The following CPLANE1 variants were observed in gnomAD, a reference collection of about 807,000 sequenced individuals.
CPLANE1 encodes the protein ciliogenesis and planar polarity effector 1.
A neutral mutation model predicts 362.5 loss-of-function variants in CPLANE1; 263 were observed. The observed-to-expected ratio is 0.73, with a 90% CI of 0.66 to 0.80. The LOEUF (loss-of-function observed/expected upper bound fraction) is 0.80. Among genes scored for constraint, CPLANE1 ranks in the 30% least tolerant of loss-of-function variants. The pLI, the probability that CPLANE1 is intolerant of heterozygous loss-of-function variation, is 0.00. For synonymous variants in CPLANE1, 1,212 were observed against 1,302.6 expected, an observed-to-expected ratio of 0.93 and a Z score of 1.50; for missense variants, 3,461 against 3,793.4, an observed-to-expected ratio of 0.91 and a Z score of 2.30.
At chr5:37,094,024 G>T in the CPLANE1 span, among the ~76,000 whole-genome samples, 5 of 145,420 alleles carry the variant, frequency 3.4e-5, no homozygotes, top group Non-Finnish European at 7.5e-5. Flanking sequence ...CGCTGGCAGT[G>T]GGGGGCAGGA....
At chr5:37,123,601 C>T (rs1192985228) in intron 47 of CPLANE1, among the ~76,000 whole-genome samples, 1 of 152,190 alleles carries the variant, frequency 6.6e-6, no homozygotes, top group African/African-American at 2.4e-5. Context: ...AGTGCAGGGG[C>T]ATGATCTTCT....
At chr5:37,193,242 G>C (rs1468841358) in intron 21 of CPLANE1, among the ~76,000 whole-genome samples, 1 of 152,148 alleles carries the variant, frequency 6.6e-6, no homozygotes, top group East Asian at 1.9e-4. Flanking sequence ...TTGTACTTAT[G>C]ATGTACTCAG....
chr5:37,151,153 G>A lies in CPLANE1; in HGVS notation c.8373+2587C>T, dbSNP rs1352322497. Among the ~76,000 whole-genome samples the A allele has an allele frequency of 2.6e-5, 4 of 152,164 alleles. No homozygotes were observed. The East Asian group carries it at 7.7e-4, about 29-fold the overall frequency. ...TACCTCTACTGCCAGATGTCTTAAA[G>A]TCCAATCCCACTAACTTCTACCTCT... On this transcript the variant is annotated intron_variant, in intron 42 of 52. Transcript: ENST00000651892.
In CPLANE1 at chr5:37,226,644, T is replaced by C. The variant is rs2150436271; in HGVS notation, c.1951A>G (p.Ile651Val). ...TGCCCCACATCTTGTTTGTATCTTA[T>C]ATCCCAATAATGGATTGATAAACAC... ...HQCLSIHYWDIRYKQDVGHLI... is the reference protein window; with the variant it reads ...HQCLSIHYWDVRYKQDVGHLI... Residue 651 changes from isoleucine to valine, a missense_variant, in exon 12 of 53, where the codon ATA becomes GTA. Physicochemically the swap from Ile to Val is conservative, Grantham distance 29. Coordinates refer to ENST00000651892, the MANE Select transcript of CPLANE1 (RefSeq NM_001384732.1). The C allele has an allele frequency of 6.4e-7, 1 of 1,551,422 alleles. No individual in the cohort carries two copies. The highest frequency in any genetic ancestry group is 1.2e-5 in the South Asian group (1 of 84,038).
chr5:37,090,187 ACAAGCCGTCTCTCAGGGG>A, the CPLANE1 span, among the ~76,000 whole-genome samples: 1 of 152,210 alleles, frequency 6.6e-6, no homozygotes, highest in Non-Finnish European at 1.5e-5. Flanking sequence ...AGGAAATAGA[ACAAGCCGTCTCTCAGGGG>A]CAGCTAGATC....
At chr5:37,180,827 T>C (rs1782485816) in intron 27 of CPLANE1, 30 bp downstream of exon 27, 1 of 1,604,772 alleles carries the variant, frequency 6.2e-7, no homozygotes, top group East Asian at 2.2e-5. Flanking sequence ...ATGTCTTATA[T>C]TGAAAAGAAG....
chr5:37,106,860 T>G lies in CPLANE1; in HGVS notation c.*742A>C. On this transcript the variant is annotated 3_prime_UTR_variant, in exon 53 of 53. Transcript: ENST00000651892. Reference sequence around the variant, plus strand: ...GGTTCTTAGTCAATTCTCATAAAAATTATCTCTTAAAACTATGACATTATT... The same window carrying G: ...GGTTCTTAGTCAATTCTCATAAAAAGTATCTCTTAAAACTATGACATTATT... The G allele has an allele frequency of 1.0e-6, 1 of 984,690 alleles. No homozygotes were observed. The highest frequency in any genetic ancestry group is 1.2e-6 in the Non-Finnish European group (1 of 829,232). 61.0% of individuals were successfully genotyped at this position (984,690 alleles called of 1,614,324 possible).
chr5:37,227,607 C>G lies in CPLANE1; in HGVS notation c.1332G>C (p.Gln444His). ...HMRSLLLDSTQRLEKIYQSVI... is the reference protein window; with the variant it reads ...HMRSLLLDSTHRLEKIYQSVI... ...CACTTTGATATATTTTCTCAAGCCTCTGGGTTGAATCAAGTAGAAGTGATC... is the reference window on the plus strand; with the variant it reads ...CACTTTGATATATTTTCTCAAGCCTGTGGGTTGAATCAAGTAGAAGTGATC... Residue 444 changes from glutamine (Q) to histidine (H), a missense_variant, in exon 10 of 53, where the codon CAG becomes CAC. Gln to His is a conservative substitution (Grantham distance 24). This residue lies in a region of CPLANE1 where 3,380 missense variants were observed against 3,666.1 expected (regional missense o/e 0.92). Transcript: ENST00000651892. 1 of 1,551,340 alleles carries G rather than the reference C, an allele frequency of 6.4e-7. No homozygotes were observed. The highest frequency in any genetic ancestry group is 2.0e-5 in the Admixed American group (1 of 50,970).
intron 7 of CPLANE1, 34 bp from the exon 8 acceptor site, chr5:37,238,994 A>C: frequency 1.8e-6 from 2 of 1,082,252 alleles, no homozygotes; most frequent in Middle Eastern, 2.4e-4. Context: ...AAAACTATTA[A>C]AATTATTTTA....
chr5:37,187,104 G>A (rs918109329), intron 23 of CPLANE1, among the ~76,000 whole-genome samples: 1 of 130,796 alleles, frequency 7.6e-6, no homozygotes, highest in East Asian at 2.2e-4. Context: ...TCACTATATT[G>A]TACATTGGAT....
At chr5:37,203,049 T>C (rs1030226638) in intron 18 of CPLANE1, among the ~76,000 whole-genome samples, 1 of 152,062 alleles carries the variant, frequency 6.6e-6, no homozygotes, top group Non-Finnish European at 1.5e-5. Context: ...TCTATTGAAG[T>C]TTTTGTTTTT....
chr5:37,104,379 C>A (rs1053603840), downstream of CPLANE1, among the ~76,000 whole-genome samples: 2 of 151,984 alleles, frequency 1.3e-5, no homozygotes, highest in African/African-American at 4.8e-5. Context: ...GGGCAGATCA[C>A]CTGAGGTCAG....
chr5:37,145,261 C>T (rs552140696), intron 43 of CPLANE1, among the ~76,000 whole-genome samples: 1 of 152,108 alleles, frequency 6.6e-6, no homozygotes, highest in Non-Finnish European at 1.5e-5. Flanking sequence ...GCTGAGATCA[C>T]ACCACTGCAC....
chr5:37,123,328 ATT>A (rs1486574816), intron 47 of CPLANE1, among the ~76,000 whole-genome samples: 2 of 152,188 alleles, frequency 1.3e-5, no homozygotes, highest in Admixed American at 1.3e-4. Context: ...TCAGAAGTAA[ATT>A]CACTTTTTCA....
chr5:37,187,579 G>A lies in CPLANE1; in HGVS notation c.3922-7C>T. ...CAAACTCCACTTCAAGGTCCTAAAA[G>A]GATATTGAAAAACATTCATTTCCTT... On this transcript the variant is annotated splice_polypyrimidine_tract_variant and splice_region_variant and intron_variant, in intron 22 of 52. Transcript: ENST00000651892. The A allele has an allele frequency of 3.1e-6, 5 of 1,598,904 alleles. No homozygotes were observed. The highest frequency in any genetic ancestry group is 2.6e-6 in the Non-Finnish European group (3 of 1,174,452).
At chr5:37,203,438 T>G (rs6888095) in intron 18 of CPLANE1, among the ~76,000 whole-genome samples, 2 of 152,178 alleles carry the variant, frequency 1.3e-5, no homozygotes, top group Admixed American at 6.5e-5. Flanking sequence ...CATTCACCAG[T>G]TGACGGACAT....
intron 9 of CPLANE1, among the ~76,000 whole-genome samples, chr5:37,229,587 T>G (rs1797257724): frequency 6.6e-6 from 1 of 152,016 alleles, no homozygotes; most frequent in African/African-American, 2.4e-5. Flanking sequence ...GTAAACACCC[T>G]ACCTCAGTTT....
At chr5:37,131,001 ATGTC>A (rs1226497892) in intron 46 of CPLANE1, among the ~76,000 whole-genome samples, 1 of 152,234 alleles carries the variant, frequency 6.6e-6, no homozygotes, top group Non-Finnish European at 1.5e-5. Context: ...GCTGCAGTGA[ATGTC>A]TGTCTGGATA....
At chr5:37,231,105 G>A (rs750538633) in intron 8 of CPLANE1, 56 bp from the exon 9 acceptor site, 12 of 1,282,514 alleles carry the variant, frequency 9.4e-6, no homozygotes, top group Middle Eastern at 1.9e-4. Flanking sequence ...TGTCTATGAC[G>A]ATTTAAAATG....
Sources: gnomAD v4.1 joint callset for allele counts (sites outside exome capture counted in the v4.1 genomes callset) on GRCh38, gnomAD v4.1.1 for gene constraint, gnomAD v4.1.1 regional missense constraint, MANE v1.5 for transcripts, NCBI Gene and HGNC (gene_info 2026-07-23, HGNC 2026-07-21) for gene names.